Variants in HECW2 observed in about 807,000 individuals in gnomAD.
The protein encoded by HECW2 is E3 ubiquitin-protein ligase HECW2.
HECW2 carries 61 observed loss-of-function variants against 175.2 expected under a neutral mutation model. The ratio of observed to expected loss-of-function variants is 0.35; its 90% confidence interval spans 0.28 to 0.43. The LOEUF (loss-of-function observed/expected upper bound fraction) is 0.43. Among genes scored for constraint, HECW2 ranks in the 20% least tolerant of loss-of-function variants. HECW2 has a pLI of 1.00. For synonymous variants in HECW2, 671 were observed against 731.0 expected (o/e 0.92, Z 1.32); for missense variants, 1,524 against 2,000.5 (o/e 0.76, Z 4.54).
chr2:196,431,837 G>T (rs895124224), intron 2 of HECW2, among the ~76,000 whole-genome samples: 1 of 152,188 alleles, frequency 6.6e-6, no homozygotes, highest in Non-Finnish European at 1.5e-5. Flanking sequence ...GCCCAGTTTA[G>T]ATTTTTTGCT....
chr2:196,331,096 G>C (rs1692341236), intron 4 of HECW2: 15 of 956,720 alleles, frequency 1.6e-5, no homozygotes, highest in African/African-American at 3.5e-5. Context: ...TGTAACTCCT[G>C]TACCTTAGTC....
chr2:196,568,008 GTAAT>G, intron 1 of HECW2, among the ~76,000 whole-genome samples: 1 of 152,112 alleles, frequency 6.6e-6, no homozygotes, highest in Non-Finnish European at 1.5e-5. Flanking sequence ...TAAAAATAAA[GTAAT>G]TAATAAATAT....
intron 1 of HECW2, among the ~76,000 whole-genome samples, chr2:196,510,524 T>C (rs1007101877): frequency 6.6e-6 from 1 of 152,152 alleles, no homozygotes; most frequent in Non-Finnish European, 1.5e-5. Context: ...CAGGAAGACT[T>C]ACAGGCCTTC....
intron 2 of HECW2, among the ~76,000 whole-genome samples, chr2:196,422,445 C>T (rs1202636259): frequency 6.6e-6 from 1 of 151,916 alleles, no homozygotes; most frequent in South Asian, 2.1e-4. Context: ...GACACTTGCC[C>T]AAAGAGGTCA....
At chr2:196,466,962 C>T (rs939955969) in intron 1 of HECW2, among the ~76,000 whole-genome samples, 21 of 152,168 alleles carry the variant, frequency 1.4e-4, no homozygotes, top group Admixed American at 1.4e-3. Flanking sequence ...CTCCAACCGT[C>T]TTAGTTTTCA....
chr2:196,574,766 T>A (rs576390610), intron 1 of HECW2, among the ~76,000 whole-genome samples: 1 of 152,162 alleles, frequency 6.6e-6, no homozygotes, highest in African/African-American at 2.4e-5. Context: ...CATTTCCTAA[T>A]TTTAAAACAT....
intron 28 of HECW2, among the ~76,000 whole-genome samples, chr2:196,208,267 T>C (rs1230202642): frequency 6.6e-6 from 1 of 152,252 alleles, no homozygotes; most frequent in Admixed American, 6.5e-5. Context: ...AAATGCTAAT[T>C]TCTATCCCAA....
chr2:196,411,506 C>T (rs1236338586), intron 2 of HECW2, among the ~76,000 whole-genome samples: 2 of 152,206 alleles, frequency 1.3e-5, no homozygotes, highest in Non-Finnish European at 2.9e-5. Flanking sequence ...GATGGCTCTC[C>T]ACATGAATCA....
At chr2:196,507,156 T>C (rs60418389) in intron 1 of HECW2, among the ~76,000 whole-genome samples, 1,923 of 17,634 alleles carry the variant, frequency 0.11, 44 homozygotes, top group African/African-American at 0.26. Flanking sequence ...GTGTATATTA[T>C]ACACACACTA....
At chr2:196,340,716 G>A (rs1339210054) in intron 3 of HECW2, among the ~76,000 whole-genome samples, 1 of 151,784 alleles carries the variant, frequency 6.6e-6, no homozygotes, top group African/African-American at 2.4e-5. Context: ...TTTTGGTGGG[G>A]CAAGGAGTGC....
In HECW2 at chr2:196,519,699, G is replaced by A. The variant is rs187949465; in HGVS notation, c.-36+73809C>T. Reference sequence around the variant, plus strand: ...TTTCTGACATTTACCTTTGTTGCCAGGGGTCACAGGAGTAATTAGATTTAA... The same window carrying A: ...TTTCTGACATTTACCTTTGTTGCCAAGGGTCACAGGAGTAATTAGATTTAA... On this transcript the variant is annotated intron_variant, in intron 1 of 28. Transcript: ENST00000644978. 1.1e-4 allele frequency among the ~76,000 whole-genome samples: 17 copies of A among 152,314 alleles called. No homozygotes were observed. The East Asian group carries it at 3.3e-3, about 29-fold the overall frequency.
At chr2:196,468,185 G>A (rs1374017848) in intron 1 of HECW2, among the ~76,000 whole-genome samples, 1 of 152,170 alleles carries the variant, frequency 6.6e-6, no homozygotes, top group African/African-American at 2.4e-5. Context: ...AGTAGAGATA[G>A]GGTTTTGCCA....
At chr2:196,226,337 G>A (rs1687849604) in intron 22 of HECW2, among the ~76,000 whole-genome samples, 1 of 151,952 alleles carries the variant, frequency 6.6e-6, no homozygotes, top group Non-Finnish European at 1.5e-5. Flanking sequence ...CATCCCCAAA[G>A]CCCAGTGATT....
At position 196,469,303 on chromosome 2, in the gene HECW2, T is replaced by C. The variant is rs186459164; in HGVS notation, c.-35-35845A>G. ...GGGACCAGAAACAGAACCAAGTTTC[T>C]GTAAGAAGTTAGACTTTAATAAGAG... On this transcript the variant is annotated intron_variant, in intron 1 of 28. Coordinates refer to ENST00000644978, the MANE Select transcript of HECW2 (RefSeq NM_001348768.2). Among the ~76,000 whole-genome samples the C allele has an allele frequency of 1.3e-3, 194 of 152,270 alleles. 1 individual carries two copies. Among genetic ancestry groups the C allele is most frequent in the Non-Finnish European group, 1.9e-3 (130 of 68,020 alleles).
At chr2:196,365,638 G>C (rs1292503548) in intron 2 of HECW2, among the ~76,000 whole-genome samples, 1 of 152,194 alleles carries the variant, frequency 6.6e-6, no homozygotes, top group African/African-American at 2.4e-5. Flanking sequence ...ATACAAAAGT[G>C]AGGTAGCTGC....
intron 20 of HECW2, among the ~76,000 whole-genome samples, chr2:196,241,198 A>G (rs75610385): frequency 1.3e-5 from 2 of 152,182 alleles, no homozygotes; most frequent in African/African-American, 4.8e-5. Context: ...TCTTAATGTA[A>G]ATGGTAATGG....
chr2:196,218,813 A>C (rs1383629609), intron 26 of HECW2, among the ~76,000 whole-genome samples: 6 of 152,230 alleles, frequency 3.9e-5, no homozygotes, highest in Non-Finnish European at 8.8e-5. Flanking sequence ...ATGGGTTAAC[A>C]ACATTATAAT....
intron 19 of HECW2, among the ~76,000 whole-genome samples, chr2:196,246,951 C>A (rs1449810262): frequency 6.6e-6 from 1 of 152,150 alleles, no homozygotes; most frequent in Non-Finnish European, 1.5e-5. Context: ...GTCATTTACA[C>A]ATTATTTCAT....
At chr2:196,437,699 C>T (rs1695921254) in intron 1 of HECW2, among the ~76,000 whole-genome samples, 2 of 151,380 alleles carry the variant, frequency 1.3e-5, no homozygotes, top group Non-Finnish European at 2.9e-5. Context: ...ACAGAAGATA[C>T]TGAGGCTCCA....
Sources: allele counts gnomAD v4.1 joint callset (sites outside exome capture counted in the v4.1 genomes callset), GRCh38; gene constraint gnomAD v4.1.1; transcripts MANE v1.5; gene names NCBI Gene and HGNC (gene_info 2026-07-23, HGNC 2026-07-21).